DPP7: variants seen among roughly 807,000 people sequenced by gnomAD.
The protein encoded by DPP7 is dipeptidyl peptidase 7.
A neutral mutation model predicts 58.8 loss-of-function variants in DPP7; 74 were observed. The observed-to-expected ratio is 1.26, with a 90% CI of 1.04 to 1.53. The LOEUF (loss-of-function observed/expected upper bound fraction) is 1.53. Among genes scored for constraint, DPP7 ranks in the 40% most tolerant of loss-of-function variants. The pLI, the probability that DPP7 is intolerant of heterozygous loss-of-function variation, is 0.00. For missense variants in DPP7, 807 were observed against 692.3 expected (o/e 1.17, Z -1.86); for synonymous variants, 350 against 303.6 (o/e 1.15, Z -1.59).
intron 11 of DPP7, among the ~76,000 whole-genome samples, chr9:137,111,269 C>T (rs1242221878): frequency 0.014 from 1,665 of 114,878 alleles, 5 homozygotes; most frequent in Admixed American, 0.028. Context: ...TAGGGGCAGG[C>T]GAGGGGCCTG....
intron 11 of DPP7, 72 bp downstream of exon 11, chr9:137,111,618 C>T: frequency 6.5e-7 from 1 of 1,546,192 alleles, no homozygotes; most frequent in East Asian, 2.2e-5. Flanking sequence ...AGCCTGGGCG[C>T]CAGAGAAAGA....
intron 11 of DPP7, 84 bp downstream of exon 11, chr9:137,111,606 C>A: frequency 1.3e-6 from 2 of 1,502,272 alleles, no homozygotes; most frequent in South Asian, 2.3e-5. Flanking sequence ...CCACTGTATT[C>A]CAGCCTGGGC....
At chr9:137,116,054 C>T (rs1446362042), upstream of DPP7, among the ~76,000 whole-genome samples, 1 of 152,164 alleles carries the variant, frequency 6.6e-6, no homozygotes, top group Non-Finnish European at 1.5e-5. Flanking sequence ...CGAGAGCTGG[C>T]CAGCTCCCCA....
chr9:137,118,149 G>A (rs1405694383), upstream of DPP7, among the ~76,000 whole-genome samples: 2 of 151,936 alleles, frequency 1.3e-5, no homozygotes, highest in Non-Finnish European at 2.9e-5. Flanking sequence ...CACCACGCCT[G>A]GCTAAATTTT....
chr9:137,113,593 T>C, intron 4 of DPP7, 97 bp from the exon 5 acceptor site: 1 of 1,457,416 alleles, frequency 6.9e-7, no homozygotes, highest in Non-Finnish European at 9.0e-7. Context: ...AGGACGACAC[T>C]TCTGAGACCC....
upstream of DPP7, among the ~76,000 whole-genome samples, chr9:137,116,581 G>A (rs141802285): frequency 2.0e-5 from 3 of 152,320 alleles, no homozygotes; most frequent in African/African-American, 7.2e-5. Flanking sequence ...AGAAAGCCTG[G>A]GTATTGTCCA....
chr9:137,117,142 TTGTCTC>T (rs1463566656), upstream of DPP7, among the ~76,000 whole-genome samples: 3 of 152,178 alleles, frequency 2.0e-5, no homozygotes, highest in African/African-American at 4.8e-5. Context: ...TCTCTATACT[TTGTCTC>T]TGTGTCTTAT....
Position 137,111,941 on chromosome 9 carries a change from C to G in DPP7, c.1139G>C (p.Arg380Pro), listed in dbSNP as rs758451577. The change falls in exon 10 of 13, where the codon CGG (arginine) becomes CCG (proline). Residue 380 changes from arginine (R) to proline (P), a missense_variant. Arg to Pro is a moderately radical substitution (Grantham distance 103). Coordinates refer to ENST00000371579, the MANE Select transcript of DPP7 (RefSeq NM_013379.3). Reference protein sequence around the residue: ...DLPFTDELRQRYCLDTWGVWP... With the variant: ...DLPFTDELRQPYCLDTWGVWP... ...CACGCCCCAGGTGTCCAGGCAGTAC[C>G]GCTGGCGGAGCTCGTCAGTGAAGGG... 1 of 1,613,466 alleles carries G rather than the reference C, an allele frequency of 6.2e-7. No homozygotes were observed. Among genetic ancestry groups the G allele is most frequent in the Non-Finnish European group, 8.5e-7 (1 of 1,179,756 alleles).
At chr9:137,112,087 T>C (rs1409010935) in intron 9 of DPP7, 25 bp downstream of exon 9, 2 of 1,611,860 alleles carry the variant, frequency 1.2e-6, no homozygotes, top group African/African-American at 2.7e-5. Context: ...CCCCGAGTGG[T>C]TCCAGGCCAC....
chr9:137,113,759 T>C, intron 4 of DPP7, 106 bp downstream of exon 4: 2 of 1,375,302 alleles, frequency 1.5e-6, no homozygotes, highest in Non-Finnish European at 1.9e-6. Context: ...CCTGAGGCCT[T>C]ACGAAAAGGC....
chr9:137,111,776 G>A, intron 10 of DPP7, 22 bp from the exon 11 acceptor site: 1 of 1,613,722 alleles, frequency 6.2e-7, no homozygotes, highest in Non-Finnish European at 8.5e-7. Flanking sequence ...AGAGAAAGTT[G>A]TGATGTGGGC....
chr9:137,112,925 C>T, intron 7 of DPP7, 28 bp downstream of exon 7: 3 of 1,612,044 alleles, frequency 1.9e-6, no homozygotes, highest in Non-Finnish European at 2.5e-6. Context: ...GCCGGCCTCT[C>T]CCTGCGCCCT....
rs200679781 is a variant in DPP7 at position 137,110,875 on chromosome 9, C to T, written c.1343+5G>A. The T allele has an allele frequency of 1.2e-4, 193 of 1,611,392 alleles. No individual in the cohort carries two copies. In the East Asian group the frequency reaches 1.6e-3, roughly 14 times the overall value. ...CGACCACCGCCAGGCCACCTCCCTC[C>T]GCACCTGAGGTCGAGGTGGTGCGCT... is the stretch of plus-strand genomic sequence containing the variant. On this transcript the variant is annotated splice_donor_5th_base_variant and intron_variant, in intron 12 of 12. Transcript: ENST00000371579.
chr9:137,111,040 G>A lies in DPP7; in HGVS notation c.1273-90C>T, dbSNP rs145855710. The A allele has an allele frequency of 6.2e-5, 80 of 1,287,256 alleles. No individual in the cohort carries two copies. The East Asian group carries it at 1.2e-3, about 19-fold the overall frequency. 79.7% of individuals were successfully genotyped at this position (1,287,256 alleles called of 1,614,324 possible). A position where few individuals can be genotyped will look rare whatever the true frequency, so the allele number is the denominator to read the frequency against. ...CATTGGAGAGGAGACGTGAGAGGGC[G>A]AGCCGAGACTCAGTGCCCATCAAGC... is the stretch of plus-strand genomic sequence containing the variant. On this transcript the variant is annotated intron_variant, in intron 11 of 12. Coordinates refer to ENST00000371579, the MANE Select transcript of DPP7 (RefSeq NM_013379.3).
At chr9:137,113,584 G>A in intron 4 of DPP7, 88 bp from the exon 5 acceptor site, 2 of 1,470,528 alleles carry the variant, frequency 1.4e-6, no homozygotes, top group Middle Eastern at 2.0e-4. Flanking sequence ...GCCACAAGGA[G>A]GACGACACTT....
At chr9:137,112,835 G>A (rs773920660) in intron 7 of DPP7, 30 bp from the exon 8 acceptor site, 46 of 1,605,548 alleles carry the variant, frequency 2.9e-5, no homozygotes, top group African/African-American at 4.0e-5. Flanking sequence ...GCGACTCAGC[G>A]GGGTCCCCTC....
chr9:137,116,746 C>T (rs1485366252), upstream of DPP7, among the ~76,000 whole-genome samples: 1 of 152,232 alleles, frequency 6.6e-6, no homozygotes, highest in Non-Finnish European at 1.5e-5. Flanking sequence ...AGGCTTCTGT[C>T]TCCGACATGC....
Position 137,114,697 on chromosome 9 carries a change from C to T in DPP7, c.17G>A (p.Trp6Ter). MGSAP[W>*]APVLLLALGL... ...GAGCGCCAGCAGCAGGACCGGGGCC[C>T]AGGGAGCGGAGCCCATGTCGCCTTC... Residue 6 changes from tryptophan (W) to a stop codon, truncating the protein, a stop_gained, in exon 1 of 13, where the codon TGG becomes TAG. Transcript: ENST00000371579. LOFTEE classifies it high-confidence loss of function. The T allele has an allele frequency of 7.5e-7, 1 of 1,328,698 alleles. No homozygotes were observed. Among genetic ancestry groups the T allele is most frequent in the Non-Finnish European group, 9.6e-7 (1 of 1,041,670 alleles). The allele number at this position is 1,328,698 out of a possible 1,614,324, so 82.3% of individuals were successfully genotyped here.
At position 137,114,347 on chromosome 9, in the gene DPP7, A is replaced by C; in HGVS notation, c.217T>G (p.Phe73Val). 6.2e-7 allele frequency: 1 copy of C among 1,606,054 alleles called. No homozygotes were observed. The stretch of plus-strand genomic sequence containing the variant: ...ACGTCGCCCTCGTTCCCAGTGTAGA[A>C]GAAGATGGGCCCCTCGCCCCGGACC... ...FWVRGEGPIFFYTGNEGDVWA... is the reference protein window; with the variant it reads ...FWVRGEGPIFVYTGNEGDVWA... The change falls in exon 3 of 13, where the codon TTC (phenylalanine) becomes GTC (valine). Residue 73 changes from phenylalanine to valine, a missense_variant. By Grantham distance (50) the Phe-to-Val change is conservative. This residue lies in a region of DPP7 where 168 missense variants were observed against 124.1 expected (regional missense o/e 1.35). Transcript: ENST00000371579.
Sources: allele counts gnomAD v4.1 joint callset (sites outside exome capture counted in the v4.1 genomes callset), GRCh38; gene constraint gnomAD v4.1.1; regional missense constraint gnomAD v4.1.1; transcripts MANE v1.5; gene names NCBI Gene and HGNC (gene_info 2026-07-23, HGNC 2026-07-21).